Variants in NTM observed in about 807,000 individuals in gnomAD.
NTM encodes the protein neurotrimin.
A neutral mutation model predicts 42.1 loss-of-function variants in NTM; 13 were observed. The observed-to-expected ratio is 0.31, with a 90% CI of 0.20 to 0.49. The LOEUF is 0.49. Among genes scored for constraint, NTM ranks in the 20% least tolerant of loss-of-function variants. The pLI, the probability that NTM is intolerant of heterozygous loss-of-function variation, is 0.99. For missense variants in NTM, 373 were observed against 452.8 expected (o/e 0.82, Z 1.60); for synonymous variants, 187 against 179.2 (o/e 1.04, Z -0.35).
At chr11:131,764,117 TATTAATG>T (rs1476122787) in intron 1 of NTM, among the ~76,000 whole-genome samples, 2 of 152,276 alleles carry the variant, frequency 1.3e-5, no homozygotes, top group Middle Eastern at 3.4e-3. Flanking sequence ...TTAATATTAA[TATTAATG>T]GCCATAACAG....
intron 1 of NTM, among the ~76,000 whole-genome samples, chr11:131,623,982 C>A (rs1042187817): frequency 6.6e-6 from 1 of 152,174 alleles, no homozygotes; most frequent in African/African-American, 2.4e-5. Flanking sequence ...TTGCTCTGAC[C>A]GAGGTCACTA....
At chr11:131,843,798 T>G (rs2044583163) in intron 1 of NTM, among the ~76,000 whole-genome samples, 1 of 152,246 alleles carries the variant, frequency 6.6e-6, no homozygotes, top group South Asian at 2.1e-4. Context: ...TTTTATATAT[T>G]TATTAGCCAT....
At chr11:131,872,370 G>C (rs1322337032) in intron 1 of NTM, among the ~76,000 whole-genome samples, 1 of 152,156 alleles carries the variant, frequency 6.6e-6, no homozygotes, top group Non-Finnish European at 1.5e-5. Context: ...TAGATTCGTC[G>C]ATTTCTCAGT....
At chr11:131,585,407 A>G (rs2058767497) in intron 1 of NTM, among the ~76,000 whole-genome samples, 1 of 151,968 alleles carries the variant, frequency 6.6e-6, no homozygotes, top group South Asian at 2.1e-4. Context: ...ACCATGGGAG[A>G]CACTCCTCAG....
chr11:131,694,313 T>C (rs1450224534), intron 1 of NTM, among the ~76,000 whole-genome samples: 1 of 152,268 alleles, frequency 6.6e-6, no homozygotes, highest in Non-Finnish European at 1.5e-5. Context: ...GTTCTCAAGC[T>C]ACAGACCATT....
chr11:131,919,128 T>TA lies in NTM; in HGVS notation c.167+7483dup, dbSNP rs1555176615. Among the ~76,000 whole-genome samples the TA allele has an allele frequency of 4.2e-3, 627 of 150,122 alleles. 2 individuals are homozygous for TA. The highest frequency in any genetic ancestry group is 0.014 in the African/African-American group (566 of 40,878). Reference sequence around the variant, plus strand: ...CCAAAACGCTTCCTTTTTTTTTTTTTAAATTAGTAATAGGCATCTCTCCTG... The same window carrying TA: ...CCAAAACGCTTCCTTTTTTTTTTTTTAAAATTAGTAATAGGCATCTCTCCTG... On this transcript the variant is annotated intron_variant, in intron 2 of 8. Transcript: ENST00000683400.
chr11:131,421,482 C>T (rs537573697), intron 1 of NTM, among the ~76,000 whole-genome samples: 5 of 151,958 alleles, frequency 3.3e-5, no homozygotes, highest in Non-Finnish European at 7.4e-5. Context: ...TTTTTGATAC[C>T]AAGACTAATG....
chr11:132,172,605 A>G (rs2076267121), intron 3 of NTM, among the ~76,000 whole-genome samples: 1 of 152,222 alleles, frequency 6.6e-6, no homozygotes, highest in South Asian at 2.1e-4. Flanking sequence ...AAGGCTCGCC[A>G]TGATTCATGC....
intron 2 of NTM, among the ~76,000 whole-genome samples, chr11:132,085,303 C>G (rs116000880): frequency 6.6e-6 from 1 of 152,200 alleles, no homozygotes; most frequent in Non-Finnish European, 1.5e-5. Context: ...TTAACTTTAA[C>G]ATAAAATCTG....
intron 1 of NTM, among the ~76,000 whole-genome samples, chr11:131,728,450 G>T (rs2079218623): frequency 6.6e-6 from 1 of 152,204 alleles, no homozygotes; most frequent in Admixed American, 6.5e-5. Context: ...ATGAGGTACA[G>T]GGGAAGAGGC....
At chr11:132,321,172 C>A (rs757523623) in intron 7 of NTM, among the ~76,000 whole-genome samples, 3 of 152,192 alleles carry the variant, frequency 2.0e-5, no homozygotes, top group Admixed American at 6.5e-5. Flanking sequence ...CAAAGCTGGA[C>A]AGAGAATGAC....
intron 1 of NTM, chr11:131,660,449 C>T (rs1441178102): frequency 4.4e-6 from 2 of 456,904 alleles, no homozygotes; most frequent in Non-Finnish European, 8.8e-6. Flanking sequence ...GCCCAGAAGC[C>T]ACCAGGTGGA....
intron 1 of NTM, among the ~76,000 whole-genome samples, chr11:131,420,522 G>A (rs377364248): frequency 2.0e-5 from 3 of 152,180 alleles, no homozygotes; most frequent in East Asian, 3.9e-4. Flanking sequence ...AGCGGCAGTA[G>A]GAAACTAACA....
chr11:132,179,437 A>G (rs1281691104), intron 3 of NTM, among the ~76,000 whole-genome samples: 1 of 152,132 alleles, frequency 6.6e-6, no homozygotes, highest in East Asian at 1.9e-4. Flanking sequence ...GTGTGGAGAG[A>G]GAGACAGAGA....
chr11:131,734,219 G>A (rs1272272833), intron 1 of NTM, among the ~76,000 whole-genome samples: 2 of 152,062 alleles, frequency 1.3e-5, no homozygotes, highest in Non-Finnish European at 2.9e-5. Context: ...GTTCCTAGGT[G>A]AACTGAGGCT....
chr11:131,824,036 T>A (rs2093295934), intron 1 of NTM, among the ~76,000 whole-genome samples: 1 of 152,120 alleles, frequency 6.6e-6, no homozygotes. Flanking sequence ...GGCGGGAGGA[T>A]AAGAGGATAA....
At chr11:131,723,581 T>C (rs1367555983) in intron 1 of NTM, among the ~76,000 whole-genome samples, 1 of 152,246 alleles carries the variant, frequency 6.6e-6, no homozygotes, top group Admixed American at 6.5e-5. Context: ...CCTTCATTTA[T>C]TTCTATGCAA....
chr11:131,736,517 T>G (rs760590063), intron 1 of NTM, among the ~76,000 whole-genome samples: 24 of 152,190 alleles, frequency 1.6e-4, no homozygotes, highest in Non-Finnish European at 2.8e-4. Context: ...TTTCTGCCCT[T>G]TCTGCCAATC....
intron 1 of NTM, among the ~76,000 whole-genome samples, chr11:131,759,500 C>A (rs2083808428): frequency 1.3e-5 from 2 of 152,068 alleles, no homozygotes; most frequent in Admixed American, 1.3e-4. Flanking sequence ...CTTTCCTTAC[C>A]TCTTCTCTCT....
Sources: allele counts gnomAD v4.1 joint callset (sites outside exome capture counted in the v4.1 genomes callset), GRCh38; gene constraint gnomAD v4.1.1; transcripts MANE v1.5; gene names NCBI Gene and HGNC (gene_info 2026-07-23, HGNC 2026-07-21).